Variants in TMEM184B observed in about 807,000 individuals in gnomAD.
The protein encoded by TMEM184B is transmembrane protein 184B.
In TMEM184B, 17 loss-of-function variants were observed where a neutral mutation model predicts 41.8. That is an observed-to-expected ratio of 0.41 (90% CI 0.28 to 0.61). The LOEUF is 0.61. Among genes scored for constraint, TMEM184B ranks in the 20% least tolerant of loss-of-function variants. The probability of loss-of-function intolerance (pLI) is 0.34; values close to 1 mark genes in which losing one functional copy is unlikely to be tolerated. For missense variants in TMEM184B, 393 were observed against 557.8 expected (o/e 0.70, Z 2.98); for synonymous variants, 240 against 229.5 (o/e 1.05, Z -0.41).
intron 3 of TMEM184B, among the ~76,000 whole-genome samples, chr22:38,234,324 C>T (rs76789000): frequency 0.012 from 1,868 of 152,278 alleles, 43 homozygotes; most frequent in African/African-American, 0.043. Context: ...CACAGAGAGG[C>T]TCATGTGAGG....
chr22:38,219,697 G>A lies in TMEM184B; in HGVS notation c.*1772C>T. On this transcript the variant is annotated 3_prime_UTR_variant, in exon 9 of 9. Transcript: ENST00000361906. ...CGCTGGGCAGGCGAAAACCAAGGGA[G>A]TGGGAATCAGCAGCACTTTGGCCTG... 2.0e-6 allele frequency: 2 copies of A among 985,610 alleles called. No homozygotes were observed. Among genetic ancestry groups the A allele is most frequent in the Non-Finnish European group, 2.4e-6 (2 of 830,004 alleles). 61.1% of individuals were successfully genotyped at this position (985,610 alleles called of 1,614,324 possible).
intron 4 of TMEM184B, 37 bp from the exon 5 acceptor site, chr22:38,230,781 T>G (rs1199110217): frequency 6.3e-7 from 1 of 1,592,948 alleles, no homozygotes; most frequent in Non-Finnish European, 8.6e-7. Flanking sequence ...TGGCAGTGAG[T>G]GAAGAGCCAG....
rs1406613732 is a variant in TMEM184B at position 38,258,423 on chromosome 22, T to C, written c.-58-10404A>G. On this transcript the variant is annotated intron_variant, in intron 1 of 8. Coordinates refer to ENST00000361906, the MANE Select transcript of TMEM184B (RefSeq NM_012264.5). ...TCAAGCGATTCTCCTGCCTCAGCCT[T>C]CCTAGTAGCTGGGATTACAGGCATA... Among the ~76,000 whole-genome samples, 3 of 151,616 alleles carry C rather than the reference T, an allele frequency of 2.0e-5. No individual in the cohort carries two copies. In the East Asian group the frequency reaches 5.8e-4, roughly 29 times the overall value.
chr22:38,221,811 C>T, intron 8 of TMEM184B, 101 bp from the exon 9 acceptor site: 3 of 1,493,324 alleles, frequency 2.0e-6, no homozygotes, highest in South Asian at 1.3e-5. Context: ...ACCCCCCAAC[C>T]CAAAGCTATG....
rs759659837 is a variant in TMEM184B, at chr22:38,226,804, C to T, written c.592G>A (p.Gly198Ser). The change falls in exon 6 of 9, where the codon GGC (glycine) becomes AGC (serine). Residue 198 changes from glycine (G) to serine (S), a missense_variant. Transcript: ENST00000361906. This position sits in a 1 kb window ranked among gnomAD's most constrained non-coding sequence, Gnocchi z 4.6. Reference protein sequence around the residue: ...AVSTVVLQAFGKYRDGDFDVT... With the variant: ...AVSTVVLQAFSKYRDGDFDVT... Reference sequence around the variant, plus strand: ...TCAAAGTCCCCATCCCGGTACTTGCCGAAGGCCTGGAGGACCACAGTGCTG... The same window carrying T: ...TCAAAGTCCCCATCCCGGTACTTGCTGAAGGCCTGGAGGACCACAGTGCTG... The T allele has an allele frequency of 4.4e-6, 7 of 1,605,118 alleles. No homozygotes were observed. The highest frequency in any genetic ancestry group is 1.1e-5 in the South Asian group (1 of 89,208).
In TMEM184B at chr22:38,242,510, G is replaced by A. The variant is rs1279883065; in HGVS notation, c.358+3425C>T. 3.3e-5 allele frequency among the ~76,000 whole-genome samples: 5 copies of A among 152,168 alleles called. No individual in the cohort carries two copies. The East Asian group carries it at 9.6e-4, about 29-fold the overall frequency. On this transcript the variant is annotated intron_variant, in intron 3 of 8. Coordinates refer to ENST00000361906, the MANE Select transcript of TMEM184B (RefSeq NM_012264.5). ...AAAAGAAAAAAAGCAAATGACCGTAGTGCTCAGCTCTGAGCAGGTCCTCAG... is the reference window on the plus strand; with the variant it reads ...AAAAGAAAAAAAGCAAATGACCGTAATGCTCAGCTCTGAGCAGGTCCTCAG...
chr22:38,251,080 C>T (rs1035593078), intron 1 of TMEM184B, among the ~76,000 whole-genome samples: 1 of 152,164 alleles, frequency 6.6e-6, no homozygotes, highest in Non-Finnish European at 1.5e-5. Context: ...AAGACATGGC[C>T]ATACCCTTCC....
chr22:38,230,803 A>G (rs988377716), intron 4 of TMEM184B, 59 bp from the exon 5 acceptor site: 1 of 1,546,476 alleles, frequency 6.5e-7, no homozygotes, highest in African/African-American at 1.4e-5. Flanking sequence ...ACTTGGGAAC[A>G]GTGGGGTGGG....
chr22:38,266,701 C>T (rs1406623415), intron 1 of TMEM184B, among the ~76,000 whole-genome samples: 40 of 152,196 alleles, frequency 2.6e-4, no homozygotes, highest in Non-Finnish European at 1.5e-5. Flanking sequence ...GAACATCTGC[C>T]CAAACCTGAA....
At chr22:38,240,732 CAA>C (rs550793359) in intron 3 of TMEM184B, among the ~76,000 whole-genome samples, 105 of 66,564 alleles carry the variant, frequency 1.6e-3, no homozygotes, top group African/African-American at 5.2e-3. Flanking sequence ...GAAAAAAAGG[CAA>C]AAAAAAAAAA....
At chr22:38,247,723 G>A in intron 2 of TMEM184B, 47 bp downstream of exon 2, 1 of 1,568,074 alleles carries the variant, frequency 6.4e-7, no homozygotes. Context: ...TGTTCAGCCA[G>A]GAACCTTTCT....
In TMEM184B at chr22:38,220,816, G is replaced by C; in HGVS notation, c.*653C>G. The C allele has an allele frequency of 1.0e-6, 1 of 986,116 alleles. No individual in the cohort carries two copies. The highest frequency in any genetic ancestry group is 1.2e-6 in the Non-Finnish European group (1 of 830,142). 61.1% of individuals were successfully genotyped at this position (986,116 alleles called of 1,614,324 possible). A position where few individuals can be genotyped will look rare whatever the true frequency, so the allele number is the denominator to read the frequency against. ...GGTGGGGATACCCAGGGGCCCAGAA[G>C]CCCCTGCTTCAACAGAAGCGGTGCC... On this transcript the variant is annotated 3_prime_UTR_variant, in exon 9 of 9. Coordinates refer to ENST00000361906, the MANE Select transcript of TMEM184B (RefSeq NM_012264.5).
chr22:38,265,370 G>C (rs574533459), intron 1 of TMEM184B, among the ~76,000 whole-genome samples: 1 of 152,104 alleles, frequency 6.6e-6, no homozygotes. Context: ...CTTTATTCAC[G>C]TGCTTTCCAG....
At chr22:38,247,272 C>A (rs540009786) in intron 2 of TMEM184B, among the ~76,000 whole-genome samples, 1 of 152,200 alleles carries the variant, frequency 6.6e-6, no homozygotes, top group African/African-American at 2.4e-5. Context: ...AGGCTGGACA[C>A]GAGACTAGTT....
intron 3 of TMEM184B, among the ~76,000 whole-genome samples, chr22:38,242,456 C>T (rs1602425427): frequency 6.6e-6 from 1 of 151,510 alleles, no homozygotes; most frequent in Middle Eastern, 3.4e-3. Flanking sequence ...CCAGCCTGGG[C>T]GACAGAGCGA....
At position 38,226,758 on chromosome 22, in the gene TMEM184B, CG is replaced by C; in HGVS notation, c.617+20del. The C allele has an allele frequency of 6.3e-7, 1 of 1,576,474 alleles. No homozygotes were observed. The highest frequency in any genetic ancestry group is 8.6e-7 in the Non-Finnish European group (1 of 1,160,786). On this transcript the variant is annotated intron_variant, in intron 6 of 8. Coordinates refer to ENST00000361906, the MANE Select transcript of TMEM184B (RefSeq NM_012264.5). The surrounding 1 kb of genome is among the most constrained non-coding windows in gnomAD (Gnocchi z 4.6). ...GCGCCAACACTCCTCCCACACACCC[CG>C]GGGAGCACCCGCTGCTTACTCAAAG...
rs1164913434 is a variant in TMEM184B, at chr22:38,241,136, C to A, written c.358+4799G>T. 2.0e-5 allele frequency among the ~76,000 whole-genome samples: 3 copies of A among 152,110 alleles called. No homozygotes were observed. In the East Asian group the frequency reaches 5.8e-4, roughly 29 times the overall value. On this transcript the variant is annotated intron_variant, in intron 3 of 8. Coordinates refer to ENST00000361906, the MANE Select transcript of TMEM184B (RefSeq NM_012264.5). ...CAGGGCAACAGCTGAGCAGCGGGAG[C>A]CTGGAAAGCAGGCATTCCTGACTGC...
chr22:38,220,409 G>A lies in TMEM184B; in HGVS notation c.*1060C>T, dbSNP rs1285638896. 6 of 985,918 alleles carry A rather than the reference G, an allele frequency of 6.1e-6. No individual in the cohort carries two copies. The South Asian group carries it at 1.9e-4, about 31-fold the overall frequency. The allele number at this position is 985,918 out of a possible 1,614,324, so 61.1% of individuals were successfully genotyped here. On this transcript the variant is annotated 3_prime_UTR_variant, in exon 9 of 9. Coordinates refer to ENST00000361906, the MANE Select transcript of TMEM184B (RefSeq NM_012264.5). ...CACAGAAGAGATGGGCCAGGGGCCA[G>A]ATGGGGTAGAACACCAGGCCCTGTG... is the stretch of plus-strand genomic sequence containing the variant.
rs57862768 is a variant in TMEM184B, at chr22:38,228,406, AAGCAGCAGC to A, written c.526-1545_526-1537del. The stretch of plus-strand genomic sequence containing the variant: ...AGGAAACTGAGGCAGAGAGAAGCTG[AAGCAGCAGC>A]AGCAGCAGCAGCAGAGCCCAGGCCA... On this transcript the variant is annotated intron_variant, in intron 5 of 8. Coordinates refer to ENST00000361906, the MANE Select transcript of TMEM184B (RefSeq NM_012264.5). Among the ~76,000 whole-genome samples, 7 of 151,178 alleles carry A rather than the reference AAGCAGCAGC, an allele frequency of 4.6e-5. No individual in the cohort carries two copies. In the East Asian group the frequency reaches 7.8e-4, roughly 17 times the overall value.
Sources: gnomAD v4.1 joint callset for allele counts (sites outside exome capture counted in the v4.1 genomes callset) on GRCh38, gnomAD v4.1.1 for gene constraint, Gnocchi (gnomAD v3.1) non-coding constraint, MANE v1.5 for transcripts, NCBI Gene and HGNC (gene_info 2026-07-23, HGNC 2026-07-21) for gene names.